Variants in THSD7A observed in about 807,000 individuals in gnomAD.
The protein encoded by THSD7A is thrombospondin type-1 domain-containing protein 7A.
In THSD7A, 96 loss-of-function variants were observed where a neutral mutation model predicts 231.3. That is an observed-to-expected ratio of 0.41 (90% CI 0.35 to 0.49). The LOEUF is 0.49. THSD7A is among the 20% of genes least tolerant of loss of function. The pLI is 0.05. For synonymous variants in THSD7A, 940 were observed against 743.3 expected, an observed-to-expected ratio of 1.26 and a Z score of -4.30; for missense variants, 2,290 against 2,070.2, an observed-to-expected ratio of 1.11 and a Z score of -2.06.
intron 1 of THSD7A, among the ~76,000 whole-genome samples, chr7:11,787,195 C>T (rs1397680772): frequency 6.6e-6 from 1 of 152,010 alleles, no homozygotes; most frequent in Non-Finnish European, 1.5e-5. Flanking sequence ...GTTGGAACAA[C>T]TGGACTTTCA....
At chr7:11,622,607 T>C (rs1781350553) in intron 2 of THSD7A, among the ~76,000 whole-genome samples, 1 of 152,082 alleles carries the variant, frequency 6.6e-6, no homozygotes, top group South Asian at 2.1e-4. Flanking sequence ...ATGACTTAGT[T>C]TCTAAGCTCC....
rs191458101 is a variant in THSD7A at position 11,601,521 on chromosome 7, C to T, written c.1023-8019G>A. Among the ~76,000 whole-genome samples the T allele has an allele frequency of 2.6e-5, 4 of 152,250 alleles. No individual in the cohort carries two copies. In the East Asian group the frequency reaches 7.7e-4, roughly 29 times the overall value. Reference sequence around the variant, plus strand: ...GGAGGCTATGACTGTAGGATCACTTCAAGAGATGCAGCTCTTGTGGGAAAT... The same window carrying T: ...GGAGGCTATGACTGTAGGATCACTTTAAGAGATGCAGCTCTTGTGGGAAAT... On this transcript the variant is annotated intron_variant, in intron 2 of 27. Coordinates refer to ENST00000423059, the MANE Select transcript of THSD7A (RefSeq NM_015204.3).
intron 1 of THSD7A, among the ~76,000 whole-genome samples, chr7:11,738,982 C>G (rs982223010): frequency 3.9e-5 from 6 of 151,984 alleles, no homozygotes; most frequent in African/African-American, 1.4e-4. Flanking sequence ...TAATACAATA[C>G]TAATGGATGC....
At chr7:11,389,922 A>G (rs1367332663) in intron 23 of THSD7A, among the ~76,000 whole-genome samples, 2 of 152,148 alleles carry the variant, frequency 1.3e-5, no homozygotes, top group African/African-American at 4.8e-5. Context: ...CTTTTCTTTA[A>G]GAATGTCGAA....
At chr7:11,468,574 C>T (rs1334293334) in intron 9 of THSD7A, among the ~76,000 whole-genome samples, 1 of 152,132 alleles carries the variant, frequency 6.6e-6, no homozygotes, top group Non-Finnish European at 1.5e-5. Context: ...TGGCTCGTGC[C>T]TGTAATCTCA....
At chr7:11,493,346 C>T (rs180752938) in intron 6 of THSD7A, among the ~76,000 whole-genome samples, 31 of 152,124 alleles carry the variant, frequency 2.0e-4, no homozygotes, top group Middle Eastern at 3.4e-3. Context: ...TAAAGAACAA[C>T]GAGAACAAAG....
At chr7:11,778,169 A>AAAAAAAAAAAAAAAAG (rs1562548864) in intron 1 of THSD7A, among the ~76,000 whole-genome samples, 1 of 147,604 alleles carries the variant, frequency 6.8e-6, no homozygotes, top group Non-Finnish European at 1.5e-5. Context: ...AAAAAAAAAA[A>AAAAAAAAAAAAAAAAG]AAAAAAAAAG....
chr7:11,487,310 G>T (rs753996594), intron 6 of THSD7A, among the ~76,000 whole-genome samples: 1 of 152,000 alleles, frequency 6.6e-6, no homozygotes, highest in African/African-American at 2.4e-5. Flanking sequence ...CACAAAATGA[G>T]AACTGAGATC....
At chr7:11,651,742 T>A (rs1782515780) in intron 1 of THSD7A, among the ~76,000 whole-genome samples, 2 of 151,980 alleles carry the variant, frequency 1.3e-5, no homozygotes, top group Non-Finnish European at 1.5e-5. Context: ...TCTGGTAGCT[T>A]TTCTTTGTTT....
Position 11,523,080 on chromosome 7 carries a change from A to G in THSD7A, c.1822+18339T>C, listed in dbSNP as rs1053756600. On this transcript the variant is annotated intron_variant, in intron 6 of 27. Transcript: ENST00000423059. ...GTATTAGTCACACATATTTCAATAT[A>G]AAAATACTTTCTGAAGACCTAATGA... Among the ~76,000 whole-genome samples the G allele has an allele frequency of 3.3e-5, 5 of 152,132 alleles. No homozygotes were observed. In the South Asian group the frequency reaches 8.3e-4, roughly 25 times the overall value.
chr7:11,508,000 T>G (rs1787627003), intron 6 of THSD7A, among the ~76,000 whole-genome samples: 1 of 152,110 alleles, frequency 6.6e-6, no homozygotes, highest in Admixed American at 6.5e-5. Context: ...GAAGGTAAAG[T>G]GTAAGCAAGG....
chr7:11,453,326 CT>C (rs5882310), intron 11 of THSD7A, among the ~76,000 whole-genome samples: 136,071 of 146,816 alleles, frequency 0.93, 63,051 homozygotes, highest in East Asian at 0.99. Context: ...TTTCTTTTAC[CT>C]TTTTTTTTTT....
At chr7:11,389,340 A>G (rs928670269) in intron 23 of THSD7A, among the ~76,000 whole-genome samples, 1 of 146,408 alleles carries the variant, frequency 6.8e-6, no homozygotes, top group Non-Finnish European at 1.5e-5. Context: ...TCCCTTTACC[A>G]TATTTAATGC....
intron 1 of THSD7A, among the ~76,000 whole-genome samples, chr7:11,721,280 G>A (rs1393478327): frequency 1.3e-5 from 2 of 151,730 alleles, no homozygotes; most frequent in Admixed American, 6.6e-5. Flanking sequence ...CCCCAATGTT[G>A]GAGGAGGTGG....
chr7:11,820,476 T>C, intron 1 of THSD7A: 3 of 1,099,358 alleles, frequency 2.7e-6, no homozygotes, highest in East Asian at 2.6e-5. Context: ...CCGGAGGTCA[T>C]CATGCAAGTA....
chr7:11,566,571 T>C (rs1790336362), intron 4 of THSD7A, among the ~76,000 whole-genome samples: 2 of 152,204 alleles, frequency 1.3e-5, no homozygotes, highest in African/African-American at 4.8e-5. Flanking sequence ...AGATGCCATG[T>C]ACATTCCAGA....
At chr7:11,673,420 A>T (rs1296545227) in intron 1 of THSD7A, among the ~76,000 whole-genome samples, 2 of 152,206 alleles carry the variant, frequency 1.3e-5, no homozygotes, top group East Asian at 3.9e-4. Context: ...CCATCTCCCA[A>T]GGCTCTCCAT....
intron 4 of THSD7A, among the ~76,000 whole-genome samples, chr7:11,584,169 G>T (rs568327265): frequency 2.0e-5 from 3 of 152,138 alleles, no homozygotes; most frequent in African/African-American, 7.2e-5. Flanking sequence ...ACCACAGAAA[G>T]CATCAGCAGC....
intron 1 of THSD7A, among the ~76,000 whole-genome samples, chr7:11,649,729 C>G (rs923491012): frequency 3.3e-5 from 5 of 152,032 alleles, no homozygotes; most frequent in Non-Finnish European, 5.9e-5. Context: ...TTGAGCAATA[C>G]TGTCACCTAT....
Sources: allele counts gnomAD v4.1 joint callset (sites outside exome capture counted in the v4.1 genomes callset), GRCh38; gene constraint gnomAD v4.1.1; transcripts MANE v1.5; gene names NCBI Gene and HGNC (gene_info 2026-07-23, HGNC 2026-07-21).